The following CALCR variants were observed in gnomAD, a reference collection of about 807,000 sequenced individuals.
The protein encoded by CALCR is calcitonin receptor.
A neutral mutation model predicts 59.5 loss-of-function variants in CALCR; 47 were observed. The ratio of observed to expected loss-of-function variants is 0.79; its 90% CI spans 0.63 to 1.01. CALCR has a LOEUF of 1.01. Ranked by LOEUF, CALCR falls within the 50% of genes least tolerant of loss-of-function variation. The pLI is 0.00. For missense variants in CALCR, 566 were observed against 597.1 expected (o/e 0.95, Z 0.54); for synonymous variants, 213 against 211.3 (o/e 1.01, Z -0.07).
chr7:93,499,953 C>A (rs1443677241), intron 2 of CALCR, among the ~76,000 whole-genome samples: 5 of 151,836 alleles, frequency 3.3e-5, no homozygotes, highest in Non-Finnish European at 5.9e-5. Flanking sequence ...TGTCCTTATA[C>A]ACACACTGTT....
At position 93,443,743 on chromosome 7, in the gene CALCR, AATCTT is replaced by A; in HGVS notation, c.658_662del (p.Lys220PhefsTer19). ...TCATGTACTGGTGGAAAAAATGCAA[AATCTT>A]GCAGCTCACCTGTCAGAAAGAAAGG... is the stretch of plus-strand genomic sequence containing the variant. On this transcript the variant is annotated frameshift_variant, in exon 9 of 14. Coordinates refer to ENST00000426151, the MANE Select transcript of CALCR (RefSeq NM_001742.4). LOFTEE classifies it high-confidence loss of function. 6.2e-7 allele frequency: 1 copy of A among 1,613,052 alleles called. No homozygotes were observed. Among genetic ancestry groups the A allele is most frequent in the Non-Finnish European group, 8.5e-7 (1 of 1,179,300 alleles).
chr7:93,523,390 A>G (rs1333894434), intron 2 of CALCR, among the ~76,000 whole-genome samples: 1 of 152,130 alleles, frequency 6.6e-6, no homozygotes, highest in African/African-American at 2.4e-5. Flanking sequence ...CCATATATAC[A>G]TTGTTCTTGT....
chr7:93,470,976 C>G, intron 6 of CALCR, among the ~76,000 whole-genome samples: 2 of 145,620 alleles, frequency 1.4e-5, no homozygotes, highest in Admixed American at 7.1e-5. Flanking sequence ...CTTCCTGTGT[C>G]CATGTGTTCT....
At chr7:93,435,358 A>T (rs1176562955) in intron 12 of CALCR, among the ~76,000 whole-genome samples, 1 of 152,200 alleles carries the variant, frequency 6.6e-6, no homozygotes, top group South Asian at 2.1e-4. Flanking sequence ...TTCTGTATCT[A>T]TGACCAAGGA....
chr7:93,512,581 T>A (rs1801568873), intron 2 of CALCR, among the ~76,000 whole-genome samples: 2 of 152,184 alleles, frequency 1.3e-5, no homozygotes, highest in African/African-American at 4.8e-5. Context: ...TTGAAGAGTA[T>A]AAACACAGGG....
intron 9 of CALCR, among the ~76,000 whole-genome samples, chr7:93,440,379 G>T (rs1477471412): frequency 6.6e-6 from 1 of 151,956 alleles, no homozygotes; most frequent in East Asian, 1.9e-4. Context: ...GAAATTAATT[G>T]GTATTAATTT....
intron 2 of CALCR, among the ~76,000 whole-genome samples, chr7:93,565,432 T>A (rs879486027): frequency 2.0e-5 from 3 of 152,238 alleles, no homozygotes; most frequent in Admixed American, 1.3e-4. Flanking sequence ...GATATTAATA[T>A]TTTAGTAGCT....
At chr7:93,440,020 A>G (rs981741441) in intron 9 of CALCR, among the ~76,000 whole-genome samples, 1 of 152,158 alleles carries the variant, frequency 6.6e-6, no homozygotes, top group Non-Finnish European at 1.5e-5. Flanking sequence ...CCAGTGGCTA[A>G]TGTTTACAAT....
intron 2 of CALCR, among the ~76,000 whole-genome samples, chr7:93,550,201 C>T (rs924801160): frequency 5.3e-5 from 8 of 151,830 alleles, no homozygotes; most frequent in Admixed American, 4.6e-4. Context: ...AAAGAATTGT[C>T]AATTTAGGCC....
intron 2 of CALCR, among the ~76,000 whole-genome samples, chr7:93,503,964 A>G (rs1801375319): frequency 6.6e-6 from 1 of 152,180 alleles, no homozygotes; most frequent in African/African-American, 2.4e-5. Flanking sequence ...ACAATTAGCA[A>G]TACACTGAAG....
intron 2 of CALCR, among the ~76,000 whole-genome samples, chr7:93,565,919 A>G (rs1210294241): frequency 6.6e-6 from 1 of 152,230 alleles, no homozygotes. Context: ...AGTTGGGTTA[A>G]TTAATGGATG....
chr7:93,470,035 C>G (rs187953006), intron 6 of CALCR, among the ~76,000 whole-genome samples: 1 of 151,654 alleles, frequency 6.6e-6, no homozygotes, highest in Non-Finnish European at 1.5e-5. Context: ...CTTTTCTAGG[C>G]CTTAGAATTT....
chr7:93,482,970 G>T, intron 3 of CALCR: 1 of 464,564 alleles, frequency 2.2e-6, no homozygotes, highest in South Asian at 1.6e-5. Flanking sequence ...TGTCTCAGTG[G>T]CCTTCTTCCT....
chr7:93,499,270 A>C (rs1312917802), intron 2 of CALCR, among the ~76,000 whole-genome samples: 1 of 151,684 alleles, frequency 6.6e-6, no homozygotes, highest in Non-Finnish European at 1.5e-5. Flanking sequence ...CTCTGTGAAC[A>C]CTCATTAATA....
chr7:93,450,094 A>G (rs1033949910), intron 8 of CALCR, among the ~76,000 whole-genome samples: 2 of 151,980 alleles, frequency 1.3e-5, no homozygotes, highest in African/African-American at 2.4e-5. Flanking sequence ...TTTTCCATCT[A>G]TCCTTTCACT....
chr7:93,436,177 A>C lies in CALCR; in HGVS notation c.931-7T>G, dbSNP rs1330118413. On this transcript the variant is annotated splice_region_variant and splice_polypyrimidine_tract_variant and intron_variant, in intron 11 of 13. Coordinates refer to ENST00000426151, the MANE Select transcript of CALCR (RefSeq NM_001742.4). ...GCAAAAAGAAGAAATTGACCTGCAA[A>C]TATACGGTGTTATGAGCAAATCATA... is the stretch of plus-strand genomic sequence containing the variant. The C allele has an allele frequency of 6.2e-7, 1 of 1,610,190 alleles. No homozygotes were observed. Among genetic ancestry groups the C allele is most frequent in the South Asian group, 1.1e-5 (1 of 90,980 alleles).
chr7:93,525,026 T>C (rs1473588699), intron 2 of CALCR, among the ~76,000 whole-genome samples: 2 of 152,166 alleles, frequency 1.3e-5, no homozygotes, highest in Non-Finnish European at 2.9e-5. Context: ...ATCTAATTGA[T>C]ACAAAATACT....
intron 5 of CALCR, among the ~76,000 whole-genome samples, chr7:93,475,331 C>T (rs1307218334): frequency 6.6e-6 from 1 of 151,762 alleles, no homozygotes; most frequent in Non-Finnish European, 1.5e-5. Context: ...TGTAAATTTA[C>T]TGAGATAGCC....
chr7:93,437,999 A>G lies in CALCR; in HGVS notation c.930+61T>C, dbSNP rs188910685. On this transcript the variant is annotated intron_variant, in intron 11 of 13. Transcript: ENST00000426151. The stretch of plus-strand genomic sequence containing the variant: ...AAACATATGATACATAGAACTATAT[A>G]CACAGAAATCTCAACTAAGAGATAA... 3.3e-5 allele frequency: 42 copies of G among 1,286,046 alleles called. No individual in the cohort carries two copies. In the East Asian group the frequency reaches 1.0e-3, roughly 32 times the overall value. The allele number at this position is 1,286,046 out of a possible 1,614,324, so 79.7% of individuals were successfully genotyped here. A position where few individuals can be genotyped will look rare whatever the true frequency, so the allele number is the denominator to read the frequency against.
Sources: allele counts gnomAD v4.1 joint callset (sites outside exome capture counted in the v4.1 genomes callset), GRCh38; gene constraint gnomAD v4.1.1; transcripts MANE v1.5; gene names NCBI Gene and HGNC (gene_info 2026-07-23, HGNC 2026-07-21).